SNPH: variants seen among roughly 807,000 people sequenced by gnomAD.
SNPH encodes the protein syntaphilin.
In SNPH, 10 loss-of-function variants were observed where a neutral mutation model predicts 36.8. That is an observed-to-expected ratio of 0.27 (90% CI 0.17 to 0.46). The LOEUF is 0.46. Among genes scored for constraint, SNPH ranks in the 20% least tolerant of loss-of-function variants. The probability of loss-of-function intolerance (pLI) is 1.00; values close to 1 mark genes in which losing one functional copy is unlikely to be tolerated. For missense variants in SNPH, 622 were observed against 744.0 expected, an observed-to-expected ratio of 0.84 and a Z score of 1.91; for synonymous variants, 281 against 312.2, an observed-to-expected ratio of 0.90 and a Z score of 1.05.
At chr20:1,289,715 G>T (rs1199439344) in intron 2 of SNPH, among the ~76,000 whole-genome samples, 3 of 151,840 alleles carry the variant, frequency 2.0e-5, no homozygotes, top group African/African-American at 4.8e-5. Context: ...AGGTGAGGTG[G>T]CTACTGGAAA....
At chr20:1,291,818 A>G (rs1189097348) in intron 2 of SNPH, among the ~76,000 whole-genome samples, 6 of 152,238 alleles carry the variant, frequency 3.9e-5, no homozygotes, top group African/African-American at 1.4e-4. Flanking sequence ...GCTTAGCTGG[A>G]ATATTAGATT....
intron 5 of SNPH, 107 bp from the exon 6 acceptor site, chr20:1,300,454 TG>T: frequency 8.1e-7 from 1 of 1,230,528 alleles, no homozygotes; most frequent in Non-Finnish European, 1.2e-6. Context: ...TTGGAGCATC[TG>T]GTGGCCAGGG....
intron 5 of SNPH, among the ~76,000 whole-genome samples, chr20:1,298,221 G>A (rs780260832): frequency 2.0e-5 from 3 of 151,358 alleles, no homozygotes; most frequent in Non-Finnish European, 4.4e-5. Flanking sequence ...CGGAAGCTTC[G>A]GTGACTTGAT....
chr20:1,290,729 C>T (rs1397703373), intron 2 of SNPH, among the ~76,000 whole-genome samples: 2 of 152,198 alleles, frequency 1.3e-5, no homozygotes, highest in African/African-American at 4.8e-5. Context: ...ATTGCTGGTT[C>T]TTATGGCAAT....
In SNPH at chr20:1,305,738, C is replaced by T. The variant is rs2088566496; in HGVS notation, c.1301C>T (p.Ala434Val). Residue 434 changes from alanine to valine, a missense_variant, in exon 7 of 7, where the codon GCC (alanine) becomes GTC (valine). Transcript: ENST00000381867. ...TRGPTPQRPG[A>V]NPNPGQSVSV... Reference sequence around the variant, plus strand: ...GGACCCACCCCACAGCGGCCTGGTGCCAACCCCAACCCTGGCCAGTCGGTG... The same window carrying T: ...GGACCCACCCCACAGCGGCCTGGTGTCAACCCCAACCCTGGCCAGTCGGTG... 1.9e-6 allele frequency: 3 copies of T among 1,610,964 alleles called. No individual in the cohort carries two copies. Among genetic ancestry groups the T allele is most frequent in the Non-Finnish European group, 1.7e-6 (2 of 1,178,974 alleles).
At chr20:1,296,832 T>C (rs2088441879) in intron 4 of SNPH, among the ~76,000 whole-genome samples, 1 of 152,168 alleles carries the variant, frequency 6.6e-6, no homozygotes, top group Non-Finnish European at 1.5e-5. Flanking sequence ...TCTCCTCTCC[T>C]GGGTTTGGGG....
chr20:1,296,027 T>C lies in SNPH; in HGVS notation c.-213T>C, dbSNP rs2088426422. 2.0e-6 allele frequency: 1 copy of C among 489,030 alleles called. No homozygotes were observed. The highest frequency in any genetic ancestry group is 3.5e-6 in the Non-Finnish European group (1 of 283,300). The allele number at this position is 489,030 out of a possible 1,614,324, so 30.3% of individuals were successfully genotyped here. ...CCCTGCTCCTGAAGCCTCTGTGACC[T>C]TGGGCACGGCCTTCACTCTGTCTGG... is the stretch of plus-strand genomic sequence containing the variant. On this transcript the variant is annotated 5_prime_UTR_variant, in exon 4 of 7. Transcript: ENST00000381867.
At position 1,296,376 on chromosome 20, in the gene SNPH, C is replaced by T; in HGVS notation, c.137C>T (p.Ala46Val). 6.2e-7 allele frequency: 1 copy of T among 1,605,336 alleles called. No individual in the cohort carries two copies. The highest frequency in any genetic ancestry group is 8.5e-7 in the Non-Finnish European group (1 of 1,175,912). Residue 46 changes from alanine to valine, a missense_variant, in exon 4 of 7, where the codon GCC becomes GTC. Around this residue, in one of 3 missense-constraint regions of SNPH, gnomAD observed 187 missense variants for 209.4 expected, o/e 0.89. Transcript: ENST00000381867. ...CTTACTCGGACCCACAGCCTCATGG[C>T]CATGTCCCTGCCAGGAAGTAGACGG... ...PPLTRTHSLM[A>V]MSLPGSRRTS...
intron 5 of SNPH, among the ~76,000 whole-genome samples, chr20:1,299,194 G>A (rs757388248): frequency 2.0e-5 from 3 of 151,990 alleles, no homozygotes; most frequent in Non-Finnish European, 4.4e-5. Flanking sequence ...CTTTTTCCTC[G>A]GTAAACACCA....
intron 2 of SNPH, among the ~76,000 whole-genome samples, chr20:1,274,494 C>T (rs1271052171): frequency 6.6e-6 from 1 of 152,174 alleles, no homozygotes; most frequent in Non-Finnish European, 1.5e-5. Flanking sequence ...AAAGGCTGTG[C>T]TTGACAGCTG....
chr20:1,296,993 CCT>C (rs2088444227), intron 4 of SNPH, 150 bp from the exon 5 acceptor site: 2 of 1,354,256 alleles, frequency 1.5e-6, no homozygotes, highest in Non-Finnish European at 9.8e-7. Context: ...TTCTGTCACC[CCT>C]GTCTGTGCGT....
intron 2 of SNPH, among the ~76,000 whole-genome samples, chr20:1,273,977 C>T (rs2122242203): frequency 6.6e-6 from 1 of 152,276 alleles, no homozygotes; most frequent in South Asian, 2.1e-4. Flanking sequence ...CTAAGCCATA[C>T]TGCCTCTAAA....
chr20:1,292,980 C>T (rs1235662834), intron 2 of SNPH, among the ~76,000 whole-genome samples: 4 of 152,204 alleles, frequency 2.6e-5, no homozygotes, highest in Non-Finnish European at 5.9e-5. Flanking sequence ...TGGCTGCCCC[C>T]ATGTTTTAGT....
chr20:1,271,613 C>T (rs1032220281), intron 2 of SNPH, among the ~76,000 whole-genome samples: 4 of 152,108 alleles, frequency 2.6e-5, no homozygotes, highest in African/African-American at 9.7e-5. Context: ...AAGTGTCTTT[C>T]TTCTGTTCTG....
chr20:1,270,343 A>G (rs1302711019), intron 2 of SNPH, among the ~76,000 whole-genome samples: 1 of 152,080 alleles, frequency 6.6e-6, no homozygotes, highest in Non-Finnish European at 1.5e-5. Flanking sequence ...GCTATAAGAC[A>G]TACTGATATG....
chr20:1,280,675 T>C (rs1281650566), intron 2 of SNPH, among the ~76,000 whole-genome samples: 1 of 152,160 alleles, frequency 6.6e-6, no homozygotes, highest in Non-Finnish European at 1.5e-5. Flanking sequence ...GTGGTCTCCA[T>C]ACTGTACCAG....
chr20:1,274,882 C>G (rs940879019), intron 2 of SNPH, among the ~76,000 whole-genome samples: 1 of 152,214 alleles, frequency 6.6e-6, no homozygotes, highest in Admixed American at 6.5e-5. Flanking sequence ...CCACCTCCCC[C>G]GTCTTGCTTC....
chr20:1,280,553 G>T (rs559840968), intron 2 of SNPH, among the ~76,000 whole-genome samples: 1 of 152,218 alleles, frequency 6.6e-6, no homozygotes, highest in Non-Finnish European at 1.5e-5. Flanking sequence ...GGTGGGATGT[G>T]TTATCTCCAC....
chr20:1,269,819 T>C (rs6134424), intron 2 of SNPH, among the ~76,000 whole-genome samples: 16,537 of 152,256 alleles, frequency 0.11, 1,287 homozygotes, highest in East Asian at 0.43. Context: ...GTGCTCTGTT[T>C]TACACAGGTT....
Sources: gnomAD v4.1 joint callset for allele counts (sites outside exome capture counted in the v4.1 genomes callset) on GRCh38, gnomAD v4.1.1 for gene constraint, gnomAD v4.1.1 regional missense constraint, MANE v1.5 for transcripts, NCBI Gene and HGNC (gene_info 2026-07-23, HGNC 2026-07-21) for gene names.